Variants in SLC5A12 observed in about 807,000 individuals in gnomAD.
SLC5A12 encodes the protein sodium-coupled monocarboxylate transporter 2.
In SLC5A12, 46 loss-of-function variants were observed where a neutral mutation model predicts 72.7. The ratio of observed to expected loss-of-function variants is 0.63; its 90% CI spans 0.50 to 0.81. The LOEUF (loss-of-function observed/expected upper bound fraction) is 0.81, where lower values mean the gene tolerates loss of function less well. Ranked by LOEUF, SLC5A12 falls within the 30% of genes least tolerant of loss-of-function variation. The pLI is 0.00. For synonymous variants in SLC5A12, 275 were observed against 264.4 expected, an observed-to-expected ratio of 1.04 and a Z score of -0.39; for missense variants, 683 against 740.7, an observed-to-expected ratio of 0.92 and a Z score of 0.90.
intron 4 of SLC5A12, 172 bp downstream of exon 4, chr11:26,709,140 G>C (rs1054730130): frequency 1.5e-5 from 7 of 463,378 alleles, no homozygotes; most frequent in Non-Finnish European, 2.7e-5. Flanking sequence ...GTAATGAAAA[G>C]AATGTTAAAC....
In SLC5A12 at chr11:26,712,708, T is replaced by C; in HGVS notation, c.340-2A>G. 6.3e-7 allele frequency: 1 copy of C among 1,579,592 alleles called. No individual in the cohort carries two copies. Among genetic ancestry groups the C allele is most frequent in the Non-Finnish European group, 8.7e-7 (1 of 1,154,814 alleles). The stretch of plus-strand genomic sequence containing the variant: ...TTTGTTGAATCGTAGTTGTAAGTAC[T>C]AAAGGAAACAGAAAGACATGCAGAG... On this transcript the variant is annotated splice_acceptor_variant, in intron 1 of 14. Transcript: ENST00000396005. LOFTEE classifies it high-confidence loss of function.
At chr11:26,699,778 C>A (rs964594324) in intron 6 of SLC5A12, among the ~76,000 whole-genome samples, 14 of 152,086 alleles carry the variant, frequency 9.2e-5, no homozygotes, top group African/African-American at 3.1e-4. Flanking sequence ...TCAGTTTCTA[C>A]TCCTTATAAT....
At chr11:26,697,297 GAAAGA>G (rs773105653) in intron 7 of SLC5A12, 45 bp from the exon 8 acceptor site, 18 of 1,527,790 alleles carry the variant, frequency 1.2e-5, no homozygotes, top group African/African-American at 1.4e-5. Context: ...AAAGAAGAAA[GAAAGA>G]AAAGAAAAGA....
chr11:26,716,873 T>A (rs72884820), intron 1 of SLC5A12, among the ~76,000 whole-genome samples: 25,811 of 152,144 alleles, frequency 0.17, 2,702 homozygotes, highest in Admixed American at 0.28. Flanking sequence ...TTATTCTTAA[T>A]ATCTAGCTAG....
rs765822269 is a variant in SLC5A12 at position 26,703,719 on chromosome 11, T to C, written c.681-48A>G. On this transcript the variant is annotated intron_variant, in intron 5 of 14. Transcript: ENST00000396005. ...TGAACAAAGATATTCCTTTGATGCC[T>C]AAGATATTATTTTAGGTGATAAGGT... 3.7e-5 allele frequency: 59 copies of C among 1,612,952 alleles called. No homozygotes were observed. In the Admixed American group the frequency reaches 5.2e-4, roughly 14 times the overall value.
intron 9 of SLC5A12, among the ~76,000 whole-genome samples, chr11:26,689,271 G>A (rs1014400318): frequency 6.6e-6 from 1 of 151,998 alleles, no homozygotes; most frequent in Non-Finnish European, 1.5e-5. Context: ...CGTGGCATGC[G>A]CCTGTAGTCT....
intron 13 of SLC5A12, among the ~76,000 whole-genome samples, chr11:26,676,359 C>CAAAACAAAA (rs1565183556): frequency 9.2e-6 from 1 of 108,872 alleles, no homozygotes. Flanking sequence ...TTCTAGAAAA[C>CAAAACAAAA]AAAAAAAAAA....
chr11:26,676,178 T>C (rs1004937388), intron 13 of SLC5A12, among the ~76,000 whole-genome samples: 5 of 152,160 alleles, frequency 3.3e-5, no homozygotes, highest in Non-Finnish European at 5.9e-5. Flanking sequence ...TCCAGTAAAT[T>C]TCTCTGATGA....
intron 9 of SLC5A12, among the ~76,000 whole-genome samples, chr11:26,690,418 C>G (rs7938351): frequency 0.21 from 32,050 of 151,560 alleles, 3,902 homozygotes; most frequent in African/African-American, 0.33. Flanking sequence ...CATTCTTATA[C>G]ATGAGAAACC....
At chr11:26,679,847 T>C (rs1412769559) in intron 12 of SLC5A12, among the ~76,000 whole-genome samples, 2 of 152,124 alleles carry the variant, frequency 1.3e-5, no homozygotes, top group Non-Finnish European at 2.9e-5. Flanking sequence ...CATGTGGTAG[T>C]AATGAGTTCA....
At chr11:26,713,837 C>T (rs945426774) in intron 1 of SLC5A12, among the ~76,000 whole-genome samples, 6 of 152,078 alleles carry the variant, frequency 3.9e-5, no homozygotes, top group African/African-American at 1.4e-4. Context: ...GAGCAGGAGG[C>T]TCCTACACGA....
At position 26,721,812 on chromosome 11, in the gene SLC5A12, G is replaced by A. The variant is rs1201841495; in HGVS notation, c.-98C>T. ...CAGTACAGTGGATGCTTTGCTGAGA[G>A]GAGAGACTGTGATTCCCTGAAGAAA... is the stretch of plus-strand genomic sequence containing the variant. On this transcript the variant is annotated 5_prime_UTR_variant, in exon 1 of 15. Coordinates refer to ENST00000396005, the MANE Select transcript of SLC5A12 (RefSeq NM_178498.4). 9.7e-6 allele frequency: 10 copies of A among 1,033,598 alleles called. No individual in the cohort carries two copies. The Admixed American group carries it at 1.8e-4, about 19-fold the overall frequency. 64.0% of individuals were successfully genotyped at this position (1,033,598 alleles called of 1,614,324 possible).
chr11:26,672,776 G>C (rs1854173632), intron 14 of SLC5A12, among the ~76,000 whole-genome samples: 1 of 152,098 alleles, frequency 6.6e-6, no homozygotes, highest in Admixed American at 6.6e-5. Flanking sequence ...AGTACTGCCT[G>C]ATCTAAACAC....
At position 26,721,499 on chromosome 11, in the gene SLC5A12, A is replaced by C; in HGVS notation, c.216T>G (p.Ser72=). ...MSAVTVLGTP[S]EVYRFGASFL... ...AGGATGCCCCAAAGCGGTAGACTTC[A>C]GAAGGGGTCCCCAGGACCGTGACAG... Residue 72 remains serine, a synonymous_variant, in exon 1 of 15, where the codon TCT becomes TCG. Transcript: ENST00000396005. 6.2e-7 allele frequency: 1 copy of C among 1,614,204 alleles called. No homozygotes were observed. Among genetic ancestry groups the C allele is most frequent in the Non-Finnish European group, 8.5e-7 (1 of 1,180,034 alleles).
intron 1 of SLC5A12, among the ~76,000 whole-genome samples, chr11:26,714,117 A>T (rs923904135): frequency 6.6e-5 from 10 of 151,822 alleles, no homozygotes; most frequent in African/African-American, 2.4e-4. Context: ...ACAAAAAAAA[A>T]CATGTAAAGT....
At chr11:26,692,375 T>A in intron 9 of SLC5A12, 114 bp downstream of exon 9, 1 of 707,460 alleles carries the variant, frequency 1.4e-6, no homozygotes, top group Non-Finnish European at 2.5e-6. Flanking sequence ...TCTTCACATA[T>A]CTCACAGTGC....
chr11:26,670,731 A>G lies in SLC5A12; in HGVS notation c.*371T>C, dbSNP rs917926089. 1.3e-5 allele frequency: 2 copies of G among 159,174 alleles called. No individual in the cohort carries two copies. Among genetic ancestry groups the G allele is most frequent in the African/African-American group, 4.8e-5 (2 of 41,694 alleles). The allele number at this position is 159,174 out of a possible 1,614,324, so 9.9% of individuals were successfully genotyped here. Reference sequence around the variant, plus strand: ...TTTCTGTTTCCCGTTCTGCCTCTAAACTCCAAGATATTTTGATGGTTAAAA... The same window carrying G: ...TTTCTGTTTCCCGTTCTGCCTCTAAGCTCCAAGATATTTTGATGGTTAAAA... On this transcript the variant is annotated 3_prime_UTR_variant, in exon 15 of 15. Coordinates refer to ENST00000396005, the MANE Select transcript of SLC5A12 (RefSeq NM_178498.4).
chr11:26,715,679 G>T (rs1021477679), intron 1 of SLC5A12, among the ~76,000 whole-genome samples: 20 of 152,058 alleles, frequency 1.3e-4, no homozygotes, highest in Admixed American at 1.3e-3. Context: ...TAAATATATT[G>T]CAAGTACAAA....
rs1854073553 is a variant in SLC5A12 at position 26,669,187 on chromosome 11, T to TTTCTCTTTCTTTCTTTCTTTCTTTC, written c.*1914_*1915insGAAAGAAAGAAAGAAAGAAAGAGAA. 454 of 110,890 alleles carry TTTCTCTTTCTTTCTTTCTTTCTTTC rather than the reference T, an allele frequency of 4.1e-3. 15 individuals carry two copies. The highest frequency in any genetic ancestry group is 9.3e-3 in the Middle Eastern group (2 of 214). 6.9% of individuals were successfully genotyped at this position (110,890 alleles called of 1,614,324 possible). A position where few individuals can be genotyped will look rare whatever the true frequency, so the allele number is the denominator to read the frequency against. On this transcript the variant is annotated 3_prime_UTR_variant, in exon 15 of 15. Coordinates refer to ENST00000396005, the MANE Select transcript of SLC5A12 (RefSeq NM_178498.4). ...TGTCTTTTTCTTTCTTTCTTTCTTC[T>TTTCTCTTTCTTTCTTTCTTTCTTTC]TTTCTTTCTTTCTTTCTTTCTTTCT...
Sources: allele counts gnomAD v4.1 joint callset (sites outside exome capture counted in the v4.1 genomes callset), GRCh38; gene constraint gnomAD v4.1.1; transcripts MANE v1.5; gene names NCBI Gene and HGNC (gene_info 2026-07-23, HGNC 2026-07-21).